NUCB2: variants seen among roughly 807,000 people sequenced by gnomAD.
NUCB2 encodes nucleobindin 2.
A neutral mutation model predicts 57.9 loss-of-function variants in NUCB2; 48 were observed. That is an observed-to-expected ratio of 0.83 (90% CI 0.66 to 1.05). The LOEUF (loss-of-function observed/expected upper bound fraction) is 1.05, where lower values mean the gene tolerates loss of function less well. Among genes scored for constraint, NUCB2 ranks in the 50% least tolerant of loss-of-function variants. NUCB2 has a pLI of 0.00. For synonymous variants in NUCB2, 139 were observed against 152.1 expected, an observed-to-expected ratio of 0.91 and a Z score of 0.64; for missense variants, 442 against 476.2, an observed-to-expected ratio of 0.93 and a Z score of 0.67.
downstream of NUCB2, among the ~76,000 whole-genome samples, chr11:17,335,561 G>A (rs1305159689): frequency 6.6e-6 from 1 of 152,010 alleles, no homozygotes; most frequent in Non-Finnish European, 1.5e-5. Context: ...GAGTGCAGTA[G>A]TGCGATCTCG....
intron 2 of NUCB2, among the ~76,000 whole-genome samples, chr11:17,339,555 A>G (rs1465106263): frequency 8.2e-6 from 1 of 122,128 alleles, no homozygotes; most frequent in Admixed American, 1.2e-4. Context: ...TCCTGTGTCC[A>G]TGTATTCTCA....
At chr11:17,284,029 A>G (rs1457340321) in intron 2 of NUCB2, among the ~76,000 whole-genome samples, 3 of 151,758 alleles carry the variant, frequency 2.0e-5, no homozygotes, top group Non-Finnish European at 2.9e-5. Context: ...TTCCTTCCAG[A>G]CTTTTATTTT....
At chr11:17,293,401 C>T (rs978895938) in intron 2 of NUCB2, among the ~76,000 whole-genome samples, 4 of 151,536 alleles carry the variant, frequency 2.6e-5, no homozygotes, top group Non-Finnish European at 5.9e-5. Context: ...GACAAAAACA[C>T]GTGGAAGATA....
chr11:17,317,909 C>G (rs931168063), intron 11 of NUCB2, among the ~76,000 whole-genome samples: 1 of 150,658 alleles, frequency 6.6e-6, no homozygotes, highest in African/African-American at 2.4e-5. Context: ...AACTCCTGGG[C>G]TCAAGGAATC....
At chr11:17,309,509 TATAATTATTATG>T in intron 5 of NUCB2, 51 bp from the exon 6 acceptor site, 1 of 926,584 alleles carries the variant, frequency 1.1e-6, no homozygotes. Flanking sequence ...TTTTCTTGTG[TATAATTATTATG>T]TTTCTAGCTT....
In NUCB2 at chr11:17,340,068, C is replaced by T. The variant is rs552872617; in HGVS notation, n.2626+2534C>T. 3.9e-5 allele frequency among the ~76,000 whole-genome samples: 6 copies of T among 152,336 alleles called. No homozygotes were observed. In the East Asian group the frequency reaches 1.2e-3, roughly 29 times the overall value. On this transcript the variant is annotated intron_variant and non_coding_transcript_variant, in intron 2 of 2. Coordinates refer to the NUCB2 transcript ENST00000532240. Reference sequence around the variant, plus strand: ...TTCTAACTGGTATAAGATGGTATCTCATTGTGGTTTTGATTTGCATTTCTC... The same window carrying T: ...TTCTAACTGGTATAAGATGGTATCTTATTGTGGTTTTGATTTGCATTTCTC...
Position 17,296,106 on chromosome 11 carries a change from T to C in NUCB2, c.147T>C (p.Asp49=). The C allele has an allele frequency of 6.3e-7, 1 of 1,591,806 alleles. No individual in the cohort carries two copies. The highest frequency in any genetic ancestry group is 8.6e-7 in the Non-Finnish European group (1 of 1,162,410). The change falls in exon 4 of 14, where the codon GAT becomes GAC. Residue 49 remains aspartate, a splice_region_variant and synonymous_variant. Coordinates refer to ENST00000529010, the MANE Select transcript of NUCB2 (RefSeq NM_005013.4). ...PVESAKIEPP[D]TGLYYDEYLK... is the part of the protein sequence containing the mutation. Reference sequence around the variant, plus strand: ...ACTGTTGGTTTCTTAATTTGAAGGATACTGGACTTTATTATGATGAATATC... The same window carrying C: ...ACTGTTGGTTTCTTAATTTGAAGGACACTGGACTTTATTATGATGAATATC...
intron 11 of NUCB2, among the ~76,000 whole-genome samples, chr11:17,321,866 A>G (rs1437582960): frequency 6.6e-6 from 1 of 152,032 alleles, no homozygotes; most frequent in Non-Finnish European, 1.5e-5. Flanking sequence ...GCACTTTTTC[A>G]TATGCCTGTT....
At chr11:17,284,553 A>G (rs1012255010) in intron 2 of NUCB2, among the ~76,000 whole-genome samples, 3 of 152,192 alleles carry the variant, frequency 2.0e-5, no homozygotes, top group Non-Finnish European at 4.4e-5. Flanking sequence ...GTATATTTGT[A>G]TTTTTGAAAG....
chr11:17,297,385 G>T (rs1945993754), intron 4 of NUCB2, among the ~76,000 whole-genome samples: 1 of 152,098 alleles, frequency 6.6e-6, no homozygotes. Context: ...GTCTGTCAGC[G>T]CTCAGGTGTG....
At chr11:17,278,665 GAC>G (rs1941889741) in intron 1 of NUCB2, 2 of 152,166 alleles carry the variant, frequency 1.3e-5, no homozygotes, top group South Asian at 2.1e-4. Flanking sequence ...TACTTTTCAA[GAC>G]ACAACTAATT....
intron 4 of NUCB2, among the ~76,000 whole-genome samples, chr11:17,301,028 A>T (rs1005447710): frequency 3.7e-5 from 5 of 135,956 alleles, no homozygotes; most frequent in African/African-American, 5.6e-5. Context: ...GCTGGAGTGC[A>T]ATGGCATGAT....
At position 17,330,923 on chromosome 11, in the gene NUCB2, A is replaced by G. The variant is rs201628114; in HGVS notation, c.1195A>G (p.Lys399Glu). Residue 399 changes from lysine (K) to glutamate (E), a missense_variant, in exon 13 of 14, where the codon AAA becomes GAA. Transcript: ENST00000529010. The surrounding 1 kb of genome is among the most constrained non-coding windows in gnomAD (Gnocchi z 4.3). ...YHQVIQQMEQ[K>E]KLQQGIPPSG... is the part of the protein sequence containing the mutation. ...CCAGGTCATACAGCAGATGGAACAA[A>G]AAAAATTACAACAAGGAATTCCTCC... 6.3e-6 allele frequency: 10 copies of G among 1,599,698 alleles called. No homozygotes were observed. In the African/African-American group the frequency reaches 1.3e-4, roughly 22 times the overall value.
intron 1 of NUCB2, chr11:17,337,248 T>C (rs1951895243): frequency 6.6e-6 from 1 of 152,254 alleles, no homozygotes; most frequent in African/African-American, 2.4e-5. Flanking sequence ...GCTGTTAATG[T>C]GATTTTTAAG....
rs1282743396 is a variant in NUCB2, at chr11:17,296,116, T to C, written c.157T>C (p.Tyr53His). The C allele has an allele frequency of 2.5e-6, 4 of 1,605,126 alleles. No individual in the cohort carries two copies. Among genetic ancestry groups the C allele is most frequent in the East Asian group, 2.2e-5 (1 of 44,680 alleles). ...AKIEPPDTGL[Y>H]YDEYLKQVID... ...TCTTAATTTGAAGGATACTGGACTTTATTATGATGAATATCTCAAGCAAGT... is the reference window on the plus strand; with the variant it reads ...TCTTAATTTGAAGGATACTGGACTTCATTATGATGAATATCTCAAGCAAGT... The change falls in exon 4 of 14, where the codon TAT becomes CAT. Residue 53 changes from tyrosine (Y) to histidine (H), a missense_variant. Transcript: ENST00000529010.
intron 2 of NUCB2, among the ~76,000 whole-genome samples, chr11:17,291,797 A>G (rs1312726784): frequency 1.3e-5 from 2 of 152,106 alleles, no homozygotes; most frequent in African/African-American, 4.8e-5. Flanking sequence ...CCAAAGTGTG[A>G]AACTTTCCTG....
At position 17,291,864 on chromosome 11, in the gene NUCB2, CTTG is replaced by C. The variant is rs577367711; in HGVS notation, c.1-3454_1-3452del. On this transcript the variant is annotated intron_variant, in intron 2 of 13. Coordinates refer to ENST00000529010, the MANE Select transcript of NUCB2 (RefSeq NM_005013.4). Reference sequence around the variant, plus strand: ...GAACTTTCTTTGCTAGTTCATTTTCCTTGTTGTTAATCTTTGTATCTCAGCAAC... The same window carrying C: ...GAACTTTCTTTGCTAGTTCATTTTCCTTGTTAATCTTTGTATCTCAGCAAC... Among the ~76,000 whole-genome samples the C allele has an allele frequency of 5.5e-4, 83 of 152,060 alleles. No homozygotes were observed. In the East Asian group the frequency reaches 0.013, roughly 24 times the overall value.
Position 17,290,091 on chromosome 11 carries a change from C to T in NUCB2, c.1-5233C>T, listed in dbSNP as rs554150111. 5.3e-5 allele frequency among the ~76,000 whole-genome samples: 8 copies of T among 152,300 alleles called. No individual in the cohort carries two copies. In the South Asian group the frequency reaches 8.3e-4, roughly 16 times the overall value. ...ACAAAACGTAACATGGCTTTGTCTA[C>T]TTGCAGGTATCTTCCTGTCTAGAGT... On this transcript the variant is annotated intron_variant, in intron 2 of 13. Transcript: ENST00000529010.
At chr11:17,311,795 C>T in intron 8 of NUCB2, 77 bp from the exon 9 acceptor site, 7 of 1,003,898 alleles carry the variant, frequency 7.0e-6, no homozygotes, top group Non-Finnish European at 1.0e-5. Context: ...TTTGTAAACC[C>T]TTTATAAATC....
Sources: allele counts gnomAD v4.1 joint callset (sites outside exome capture counted in the v4.1 genomes callset), GRCh38; gene constraint gnomAD v4.1.1; non-coding constraint Gnocchi (gnomAD v3.1); transcripts MANE v1.5; gene names NCBI Gene and HGNC (gene_info 2026-07-23, HGNC 2026-07-21).